CEP112: variants seen among roughly 807,000 people sequenced by gnomAD.
CEP112 encodes the protein centrosomal protein of 112 kDa.
CEP112 carries 127 observed loss-of-function variants against 153.0 expected under a neutral mutation model. The ratio of observed to expected loss-of-function variants is 0.83; its 90% CI spans 0.72 to 0.96. The LOEUF is 0.96. Ranked by LOEUF, CEP112 falls within the 40% of genes least tolerant of loss-of-function variation. The pLI is 0.00. For missense variants in CEP112, 1,089 were observed against 1,101.2 expected, an observed-to-expected ratio of 0.99 and a Z score of 0.16; for synonymous variants, 358 against 374.4, an observed-to-expected ratio of 0.96 and a Z score of 0.51.
intron 20 of CEP112, among the ~76,000 whole-genome samples, chr17:65,871,081 C>T (rs957049357): frequency 6.6e-6 from 1 of 152,272 alleles, no homozygotes; most frequent in Non-Finnish European, 1.5e-5. Flanking sequence ...ACTGTGCTAA[C>T]AATGGTAGGA....
chr17:65,765,588 A>G (rs1201999138), intron 21 of CEP112, among the ~76,000 whole-genome samples: 1 of 152,122 alleles, frequency 6.6e-6, no homozygotes, highest in Non-Finnish European at 1.5e-5. Context: ...CAATACCAAG[A>G]GAGTTTCCCT....
chr17:66,009,189 TTGTGTGTGTGTGTGTGTGTGTGTGTG>T (rs34971943), intron 16 of CEP112, among the ~76,000 whole-genome samples: 1 of 146,856 alleles, frequency 6.8e-6, no homozygotes, highest in Non-Finnish European at 1.5e-5. Context: ...TGTTATCCCT[TTGTGTGTGTGTGTGTGTGTGTGTGTG>T]TGTGTGTGTG....
intron 11 of CEP112, among the ~76,000 whole-genome samples, chr17:66,061,903 C>A (rs759326664): frequency 6.6e-6 from 1 of 152,122 alleles, no homozygotes; most frequent in Non-Finnish European, 1.5e-5. Context: ...TCCCCATAAT[C>A]CCTATGTGTC....
At chr17:65,714,768 T>C (rs1419495138) in intron 23 of CEP112, among the ~76,000 whole-genome samples, 2 of 152,136 alleles carry the variant, frequency 1.3e-5, no homozygotes, top group African/African-American at 4.8e-5. Flanking sequence ...TACCAAATAT[T>C]TATATACAAG....
intron 20 of CEP112, among the ~76,000 whole-genome samples, chr17:65,896,690 G>A (rs1321245539): frequency 6.6e-6 from 1 of 151,862 alleles, no homozygotes; most frequent in African/African-American, 2.4e-5. Flanking sequence ...GGAAAATTCT[G>A]TATGACCTAT....
At chr17:65,932,817 T>C (rs1414466073) in intron 18 of CEP112, among the ~76,000 whole-genome samples, 3 of 152,002 alleles carry the variant, frequency 2.0e-5, no homozygotes, top group Admixed American at 6.6e-5. Context: ...CATGATTCAA[T>C]CACCTCCCGC....
chr17:65,855,220 CTT>C (rs1309059730), intron 20 of CEP112, among the ~76,000 whole-genome samples: 2 of 152,196 alleles, frequency 1.3e-5, no homozygotes, highest in Admixed American at 6.5e-5. Context: ...ACCTTCTGCT[CTT>C]GTCTCTCTCT....
At chr17:65,755,239 G>A (rs897323646) in intron 21 of CEP112, among the ~76,000 whole-genome samples, 4 of 152,246 alleles carry the variant, frequency 2.6e-5, no homozygotes, top group Middle Eastern at 3.4e-3. Flanking sequence ...ACCTGCAATC[G>A]CAGTGGAAGT....
intron 19 of CEP112, among the ~76,000 whole-genome samples, chr17:65,916,702 A>G (rs1223838287): frequency 6.8e-6 from 1 of 147,958 alleles, no homozygotes; most frequent in Non-Finnish European, 1.5e-5. Flanking sequence ...GCAAGCCACC[A>G]TGCCAGTCTA....
At chr17:66,169,183 T>C (rs1344916756) in intron 4 of CEP112, among the ~76,000 whole-genome samples, 3 of 152,032 alleles carry the variant, frequency 2.0e-5, no homozygotes, top group Non-Finnish European at 4.4e-5. Context: ...TTATCTGTAA[T>C]TTAGAAGTCC....
intron 17 of CEP112, among the ~76,000 whole-genome samples, chr17:65,971,505 C>CACATGCACATT (rs1411258932): frequency 6.6e-6 from 1 of 150,874 alleles, no homozygotes; most frequent in Non-Finnish European, 1.5e-5. Flanking sequence ...ATACATATCA[C>CACATGCACATT]ACATGCACAT....
chr17:66,055,713 G>A (rs908714), intron 11 of CEP112, among the ~76,000 whole-genome samples: 141,094 of 152,162 alleles, frequency 0.93, 65,647 homozygotes, highest in East Asian at 0.97. Flanking sequence ...AGGGACCGTC[G>A]CTGTCGGAGG....
At chr17:65,723,662 CT>C (rs1276197773) in intron 23 of CEP112, among the ~76,000 whole-genome samples, 1 of 152,198 alleles carries the variant, frequency 6.6e-6, no homozygotes, top group East Asian at 1.9e-4. Context: ...AATGCTGCTG[CT>C]TTGTTTTATG....
At chr17:65,718,589 G>A (rs924001348) in intron 23 of CEP112, among the ~76,000 whole-genome samples, 1 of 151,906 alleles carries the variant, frequency 6.6e-6, no homozygotes, top group African/African-American at 2.4e-5. Context: ...CTTTATTTTG[G>A]GAGGGTTTAG....
At chr17:65,931,155 T>A (rs375601193) in intron 18 of CEP112, among the ~76,000 whole-genome samples, 16 of 150,704 alleles carry the variant, frequency 1.1e-4, no homozygotes, top group African/African-American at 3.7e-4. Flanking sequence ...TGTATTAAAT[T>A]CTTAAGGATG....
At position 65,855,100 on chromosome 17, in the gene CEP112, G is replaced by A. The variant is rs139712225; in HGVS notation, c.2164-3066C>T. On this transcript the variant is annotated intron_variant, in intron 20 of 26. Coordinates refer to ENST00000535342, the MANE Select transcript of CEP112 (RefSeq NM_001199165.4). ...TATAACAATAATAAACATAACAAAAGCAAATTTTGAGAAGCTCCTGGGTGG... is the reference window on the plus strand; with the variant it reads ...TATAACAATAATAAACATAACAAAAACAAATTTTGAGAAGCTCCTGGGTGG... Among the ~76,000 whole-genome samples the A allele has an allele frequency of 5.6e-3, 854 of 152,236 alleles. 35 individuals carry two copies. The highest frequency in any genetic ancestry group is 0.041 in the Admixed American group (627 of 15,286).
At chr17:66,009,375 T>G (rs936073494) in intron 16 of CEP112, among the ~76,000 whole-genome samples, 5 of 152,224 alleles carry the variant, frequency 3.3e-5, no homozygotes, top group African/African-American at 9.6e-5. Context: ...TTCAAGTCCT[T>G]GGCCCATTTT....
At chr17:66,063,994 T>A (rs1349632249) in intron 10 of CEP112, among the ~76,000 whole-genome samples, 1 of 152,218 alleles carries the variant, frequency 6.6e-6, no homozygotes, top group East Asian at 1.9e-4. Flanking sequence ...ACCTTCTTTA[T>A]GAACCAGTCA....
At chr17:65,962,824 C>A (rs1435410684) in intron 17 of CEP112, among the ~76,000 whole-genome samples, 1 of 152,168 alleles carries the variant, frequency 6.6e-6, no homozygotes, top group African/African-American at 2.4e-5. Flanking sequence ...GTGACTTGCT[C>A]CTCCTTGCCT....
Sources: allele counts gnomAD v4.1 joint callset (sites outside exome capture counted in the v4.1 genomes callset), GRCh38; gene constraint gnomAD v4.1.1; transcripts MANE v1.5; gene names NCBI Gene and HGNC (gene_info 2026-07-23, HGNC 2026-07-21).